Variants in PDE11A observed in about 807,000 individuals in gnomAD.
PDE11A encodes the protein dual 3',5'-cyclic-AMP and -GMP phosphodiesterase 11A.
In PDE11A, 100 loss-of-function variants were observed where a neutral mutation model predicts 100.5. The ratio of observed to expected loss-of-function variants is 1.00; its 90% CI spans 0.85 to 1.18. The LOEUF is 1.18. PDE11A is among the 50% of genes most tolerant of loss of function. The pLI is 0.00. For synonymous variants in PDE11A, 381 were observed against 420.8 expected (o/e 0.91, Z 1.16); for missense variants, 1,141 against 1,152.6 (o/e 0.99, Z 0.15).
upstream of PDE11A, among the ~76,000 whole-genome samples, chr2:178,075,371 G>A (rs914400902): frequency 3.3e-5 from 5 of 151,884 alleles, no homozygotes; most frequent in Non-Finnish European, 5.9e-5. Flanking sequence ...GCCCAATATG[G>A]CGAAACCCCA....
chr2:177,950,787 G>A (rs553619297), intron 2 of PDE11A, among the ~76,000 whole-genome samples: 1 of 152,092 alleles, frequency 6.6e-6, no homozygotes, highest in Non-Finnish European at 1.5e-5. Flanking sequence ...GGCAGGCGCC[G>A]ATAGTCCCAG....
At chr2:177,732,143 T>C (rs1269917726) in intron 10 of PDE11A, among the ~76,000 whole-genome samples, 1 of 152,210 alleles carries the variant, frequency 6.6e-6, no homozygotes, top group Non-Finnish European at 1.5e-5. Flanking sequence ...TGCAACCATG[T>C]AGATCTCGTT....
chr2:177,715,669 GTCTTATAATAGCATGCTAT>G (rs1336606382), intron 12 of PDE11A, among the ~76,000 whole-genome samples: 1 of 151,892 alleles, frequency 6.6e-6, no homozygotes, highest in Non-Finnish European at 1.5e-5. Context: ...GCTGCTCCTT[GTCTTATAATAGCATGCTAT>G]TCTTCTCCCA....
intron 18 of PDE11A, among the ~76,000 whole-genome samples, chr2:177,668,648 A>T (rs2080626215): frequency 6.6e-6 from 1 of 152,208 alleles, no homozygotes; most frequent in Non-Finnish European, 1.5e-5. Flanking sequence ...CTTGTTTTTA[A>T]ATGTCAGCAA....
At chr2:178,016,982 A>G (rs1160117674) in intron 1 of PDE11A, among the ~76,000 whole-genome samples, 1 of 152,220 alleles carries the variant, frequency 6.6e-6, no homozygotes, top group East Asian at 1.9e-4. Flanking sequence ...TAGCACTTAG[A>G]TTCTCTGCAA....
chr2:177,643,722 A>G (rs1459371261), intron 19 of PDE11A, among the ~76,000 whole-genome samples: 1 of 152,066 alleles, frequency 6.6e-6, no homozygotes, highest in East Asian at 1.9e-4. Flanking sequence ...GTGGTCTTCA[A>G]AGCAGCCCCT....
intron 19 of PDE11A, among the ~76,000 whole-genome samples, chr2:177,637,252 T>A (rs888550944): frequency 2.5e-4 from 38 of 152,194 alleles, no homozygotes; most frequent in African/African-American, 7.2e-4. Flanking sequence ...TAATGAGAGA[T>A]GGAGCCAGGA....
chr2:177,841,070 C>A (rs938872380), intron 5 of PDE11A, among the ~76,000 whole-genome samples: 6 of 152,126 alleles, frequency 3.9e-5, no homozygotes, highest in Non-Finnish European at 8.8e-5. Context: ...AAACTATTTT[C>A]ATATTTAATT....
chr2:177,697,387 G>T lies in PDE11A; in HGVS notation c.2290C>A (p.Leu764Ile), dbSNP rs1323431801. 1 of 1,602,614 alleles carries T rather than the reference G, an allele frequency of 6.2e-7. No individual in the cohort carries two copies. The highest frequency in any genetic ancestry group is 8.5e-7 in the Non-Finnish European group (1 of 1,169,728). The change falls in exon 15 of 20, where the codon CTT (leucine) becomes ATT (isoleucine). Residue 764 changes from leucine to isoleucine, a missense_variant. Leu to Ile is a conservative substitution (Grantham distance 5). Transcript: ENST00000286063. ...ANLSSKEYSD[L>I]MQLLKQSILA... is the part of the protein sequence containing the mutation. ...ATTGACTGCTTCAAAAGCTGCATAA[G>T]GTCACTATATTCCTTGGAGGACAGG... is the stretch of plus-strand genomic sequence containing the variant.
At chr2:177,659,915 T>C (rs2080450447) in intron 19 of PDE11A, among the ~76,000 whole-genome samples, 1 of 152,202 alleles carries the variant, frequency 6.6e-6, no homozygotes. Flanking sequence ...CACAGCTAAC[T>C]AACCAGGGCT....
At chr2:177,632,461 T>C (rs1426167608) in intron 19 of PDE11A, among the ~76,000 whole-genome samples, 1 of 152,204 alleles carries the variant, frequency 6.6e-6, no homozygotes, top group Non-Finnish European at 1.5e-5. Context: ...TCACCCATCA[T>C]CTTGCATATG....
chr2:177,891,788 T>G (rs2084533538), intron 4 of PDE11A, among the ~76,000 whole-genome samples: 1 of 152,224 alleles, frequency 6.6e-6, no homozygotes, highest in Non-Finnish European at 1.5e-5. Context: ...TGTCTATGAC[T>G]GCTTTTGTGT....
intron 9 of PDE11A, among the ~76,000 whole-genome samples, chr2:177,815,007 T>C (rs1371416680): frequency 1.3e-5 from 2 of 152,210 alleles, no homozygotes; most frequent in Non-Finnish European, 2.9e-5. Flanking sequence ...AGATGTTCTC[T>C]CTTTGTGTGT....
intron 10 of PDE11A, among the ~76,000 whole-genome samples, chr2:177,729,724 C>T (rs2081652852): frequency 6.6e-6 from 1 of 152,108 alleles, no homozygotes; most frequent in Non-Finnish European, 1.5e-5. Context: ...GAAAATAACT[C>T]CCCCCTCCAA....
chr2:178,045,316 G>A (rs567924036), intron 1 of PDE11A, among the ~76,000 whole-genome samples: 1 of 152,252 alleles, frequency 6.6e-6, no homozygotes, highest in Non-Finnish European at 1.5e-5. Flanking sequence ...TTCCTTCCCT[G>A]CAGGTTTTGG....
intron 2 of PDE11A, among the ~76,000 whole-genome samples, chr2:177,905,796 A>T (rs1203097448): frequency 6.6e-6 from 1 of 152,138 alleles, no homozygotes; most frequent in African/African-American, 2.4e-5. Flanking sequence ...GTGTAGACAT[A>T]ACTGGACACA....
intron 2 of PDE11A, among the ~76,000 whole-genome samples, chr2:177,908,907 G>A (rs924083720): frequency 2.0e-5 from 3 of 152,170 alleles, no homozygotes; most frequent in Non-Finnish European, 2.9e-5. Flanking sequence ...AGTAGTATAA[G>A]CTATTCTTCA....
At chr2:178,052,095 T>G (rs1355835207) in intron 1 of PDE11A, among the ~76,000 whole-genome samples, 1 of 152,126 alleles carries the variant, frequency 6.6e-6, no homozygotes, top group Admixed American at 6.5e-5. Context: ...TATTCCAAAA[T>G]TGACCACATA....
intron 6 of PDE11A, among the ~76,000 whole-genome samples, chr2:177,827,920 C>T (rs1232992091): frequency 2.6e-5 from 4 of 152,196 alleles, no homozygotes; most frequent in African/African-American, 9.6e-5. Flanking sequence ...TCCCAAGAAA[C>T]AGAGGCAAAG....
Sources: allele counts gnomAD v4.1 joint callset (sites outside exome capture counted in the v4.1 genomes callset), GRCh38; gene constraint gnomAD v4.1.1; transcripts MANE v1.5; gene names NCBI Gene and HGNC (gene_info 2026-07-23, HGNC 2026-07-21).